Variants in THRB observed in about 807,000 individuals in gnomAD.
THRB encodes nuclear receptor subfamily 1 group A member 2.
A neutral mutation model predicts 47.8 loss-of-function variants in THRB; 12 were observed. That is an observed-to-expected ratio of 0.25 (90% CI 0.16 to 0.41). The LOEUF (loss-of-function observed/expected upper bound fraction) is 0.41. Ranked by LOEUF, THRB falls within the 10% of genes least tolerant of loss-of-function variation. THRB has a pLI of 1.00. For missense variants in THRB, 348 were observed against 589.2 expected (o/e 0.59, Z 4.24); for synonymous variants, 218 against 212.2 (o/e 1.03, Z -0.24).
chr3:24,475,563 A>C (rs1047701534), intron 1 of THRB, among the ~76,000 whole-genome samples: 6 of 152,202 alleles, frequency 3.9e-5, no homozygotes, highest in African/African-American at 1.4e-4. Context: ...ATAGATATAA[A>C]ATCTGAAAGG....
intron 1 of THRB, among the ~76,000 whole-genome samples, chr3:24,423,712 GGT>G (rs1420533555): frequency 6.6e-6 from 1 of 151,674 alleles, no homozygotes; most frequent in Non-Finnish European, 1.5e-5. Context: ...TACTATATCT[GGT>G]GTAACATGAT....
chr3:24,400,668 G>A (rs375953335), intron 1 of THRB, among the ~76,000 whole-genome samples: 41 of 152,134 alleles, frequency 2.7e-4, no homozygotes, highest in South Asian at 1.9e-3. Context: ...AGGTTGAATC[G>A]TAGGTCTATA....
At chr3:24,424,649 C>A (rs2069583578) in intron 1 of THRB, among the ~76,000 whole-genome samples, 1 of 151,972 alleles carries the variant, frequency 6.6e-6, no homozygotes, top group Admixed American at 6.6e-5. Flanking sequence ...TCAATATCTA[C>A]ATAAATTTTC....
chr3:24,143,354 G>C, intron 8 of THRB, 147 bp downstream of exon 8: 1 of 799,090 alleles, frequency 1.3e-6, no homozygotes, highest in Non-Finnish European at 2.1e-6. Context: ...TCCTAGCTTT[G>C]CAAGTTACTC....
chr3:24,462,163 T>TA (rs34213307), intron 1 of THRB, among the ~76,000 whole-genome samples: 1,487 of 146,238 alleles, frequency 0.01, 13 homozygotes, highest in African/African-American at 0.027. Flanking sequence ...ACATAATGGC[T>TA]AAAAAAAAAA....
At chr3:24,210,356 C>T (rs2045890661) in intron 4 of THRB, among the ~76,000 whole-genome samples, 1 of 151,638 alleles carries the variant, frequency 6.6e-6, no homozygotes, top group Non-Finnish European at 1.5e-5. Context: ...AATTGGATCC[C>T]TGGCTGGGGA....
At chr3:24,196,078 G>C (rs1363354245) in intron 4 of THRB, among the ~76,000 whole-genome samples, 2 of 152,094 alleles carry the variant, frequency 1.3e-5, no homozygotes, top group East Asian at 3.8e-4. Context: ...ATGGGGGTGG[G>C]GAATGTGGAC....
At chr3:24,135,537 C>T (rs1056861814) in intron 8 of THRB, among the ~76,000 whole-genome samples, 1 of 152,034 alleles carries the variant, frequency 6.6e-6, no homozygotes, top group Non-Finnish European at 1.5e-5. Context: ...GGCCACTGTT[C>T]GGCTGGCTCT....
At chr3:24,438,504 A>AAGGT (rs1217018653) in intron 1 of THRB, among the ~76,000 whole-genome samples, 4 of 92,872 alleles carry the variant, frequency 4.3e-5, no homozygotes, top group African/African-American at 1.3e-4. Flanking sequence ...AGAGAACAAA[A>AAGGT]AGGTGTGTGT....
intron 3 of THRB, among the ~76,000 whole-genome samples, chr3:24,267,590 A>G (rs1348615189): frequency 1.3e-5 from 2 of 152,172 alleles, no homozygotes; most frequent in Admixed American, 1.3e-4. Context: ...CTTATCCTTA[A>G]TATCTGATCA....
intron 1 of THRB, among the ~76,000 whole-genome samples, chr3:24,385,293 C>G (rs189304637): frequency 6.6e-6 from 1 of 152,006 alleles, no homozygotes; most frequent in Non-Finnish European, 1.5e-5. Flanking sequence ...GGAGAATAAA[C>G]TACTTTGAAA....
At chr3:24,176,458 T>G (rs973766674) in intron 5 of THRB, among the ~76,000 whole-genome samples, 1 of 152,276 alleles carries the variant, frequency 6.6e-6, no homozygotes, top group Non-Finnish European at 1.5e-5. Context: ...AATGAACAAT[T>G]GAATCACCTG....
chr3:24,436,124 A>T (rs2070920424), intron 1 of THRB, among the ~76,000 whole-genome samples: 1 of 152,206 alleles, frequency 6.6e-6, no homozygotes, highest in African/African-American at 2.4e-5. Context: ...ACACTGGTAT[A>T]ACAATGTATA....
chr3:24,480,216 T>C (rs937039847), intron 1 of THRB, among the ~76,000 whole-genome samples: 3 of 152,204 alleles, frequency 2.0e-5, no homozygotes, highest in Admixed American at 6.5e-5. Flanking sequence ...CCCAAACTGA[T>C]GGTCAGTCTT....
At chr3:24,459,033 C>T (rs1334550568) in intron 1 of THRB, 3 of 151,958 alleles carry the variant, frequency 2.0e-5, no homozygotes, top group South Asian at 4.1e-4. Context: ...TAGGTATGCA[C>T]ATGCCATGGT....
chr3:24,345,456 C>T (rs936730156), intron 1 of THRB, among the ~76,000 whole-genome samples: 1 of 152,066 alleles, frequency 6.6e-6, no homozygotes, highest in African/African-American at 2.4e-5. Flanking sequence ...ACAATTAGAA[C>T]TGAAACAACA....
At chr3:24,224,286 A>G (rs925705212) in intron 4 of THRB, among the ~76,000 whole-genome samples, 3 of 152,230 alleles carry the variant, frequency 2.0e-5, no homozygotes, top group Admixed American at 2.0e-4. Flanking sequence ...TTATAACAAT[A>G]TTATGTTAAT....
chr3:24,469,017 G>C (rs2074361602), intron 1 of THRB, among the ~76,000 whole-genome samples: 1 of 152,250 alleles, frequency 6.6e-6, no homozygotes, highest in South Asian at 2.1e-4. Context: ...CCAAACTCCA[G>C]TGACACACGC....
At chr3:24,173,513 C>T (rs943452470) in intron 5 of THRB, among the ~76,000 whole-genome samples, 1 of 152,200 alleles carries the variant, frequency 6.6e-6, no homozygotes, top group Non-Finnish European at 1.5e-5. Context: ...AGACTGTCAA[C>T]AGGAGCAGTG....
Sources: allele counts gnomAD v4.1 joint callset (sites outside exome capture counted in the v4.1 genomes callset), GRCh38; gene constraint gnomAD v4.1.1; transcripts MANE v1.5; gene names NCBI Gene and HGNC (gene_info 2026-07-23, HGNC 2026-07-21).